The following LAMA1 variants were observed in gnomAD, a reference collection of about 807,000 sequenced individuals.
LAMA1 encodes laminin subunit alpha 1, also known as laminin subunit alpha-1.
Under a neutral mutation model 348.7 loss-of-function variants are expected in LAMA1, and 219 were observed. That is an observed-to-expected ratio of 0.63 (90% CI 0.56 to 0.70). The LOEUF (loss-of-function observed/expected upper bound fraction) is 0.70, where lower values mean the gene tolerates loss of function less well. Among genes scored for constraint, LAMA1 ranks in the 30% least tolerant of loss-of-function variants. LAMA1 has a pLI of 0.00. For missense variants in LAMA1, 3,744 were observed against 3,888.0 expected, an observed-to-expected ratio of 0.96 and a Z score of 0.99; for synonymous variants, 1,487 against 1,491.0, an observed-to-expected ratio of 1.00 and a Z score of 0.06.
At chr18:7,078,291 C>G (rs928067673) in intron 3 of LAMA1, among the ~76,000 whole-genome samples, 1 of 151,024 alleles carries the variant, frequency 6.6e-6, no homozygotes, top group African/African-American at 2.4e-5. Flanking sequence ...CTCAGCCTCC[C>G]GAGTAGCTGG....
chr18:6,943,170 C>G lies in LAMA1; in HGVS notation c.9067+10G>C, dbSNP rs1341475486. 1 of 1,611,432 alleles carries G rather than the reference C, an allele frequency of 6.2e-7. No homozygotes were observed. Among genetic ancestry groups the G allele is most frequent in the South Asian group, 1.1e-5 (1 of 90,964 alleles). On this transcript the variant is annotated intron_variant, in intron 62 of 62. Coordinates refer to ENST00000389658, the MANE Select transcript of LAMA1 (RefSeq NM_005559.4). ...CCCTTTTGAGTGGAAGAGCAGGTAC[C>G]CGTACATACCAGGATAGCCACCAAC...
Position 7,050,685 on chromosome 18 carries a change from C to G in LAMA1, c.588+9G>C. ...AAACAGATCTTGCTGCAGCGGGCAC[C>G]ATACCTACCTCTCCATGCTCAAGTG... On this transcript the variant is annotated intron_variant, in intron 4 of 62. Transcript: ENST00000389658. 1 of 1,613,440 alleles carries G rather than the reference C, an allele frequency of 6.2e-7. No homozygotes were observed. The highest frequency in any genetic ancestry group is 8.5e-7 in the Non-Finnish European group (1 of 1,180,020).
intron 62 of LAMA1, among the ~76,000 whole-genome samples, chr18:6,942,932 A>G (rs552724212): frequency 2.6e-5 from 4 of 152,318 alleles, no homozygotes; most frequent in East Asian, 1.9e-4. Flanking sequence ...ACTTCGGTAG[A>G]GTCATACGGC....
intron 1 of LAMA1, among the ~76,000 whole-genome samples, chr18:7,083,665 A>G (rs2058202521): frequency 6.6e-6 from 1 of 152,164 alleles, no homozygotes; most frequent in South Asian, 2.1e-4. Flanking sequence ...ATATTTGGAA[A>G]AAAATATTCA....
At chr18:7,085,238 G>T (rs2058209944) in intron 1 of LAMA1, among the ~76,000 whole-genome samples, 1 of 151,756 alleles carries the variant, frequency 6.6e-6, no homozygotes, top group African/African-American at 2.4e-5. Context: ...TTCTGGTGTT[G>T]GGAGTTTTTA....
At chr18:6,948,813 G>A (rs1469106538) in intron 59 of LAMA1, among the ~76,000 whole-genome samples, 1 of 152,206 alleles carries the variant, frequency 6.6e-6, no homozygotes, top group Admixed American at 6.5e-5. Context: ...AAAATGCTGA[G>A]TTTACTAATG....
chr18:6,988,391 G>A (rs1175072588), intron 36 of LAMA1, among the ~76,000 whole-genome samples: 1 of 152,194 alleles, frequency 6.6e-6, no homozygotes, highest in East Asian at 1.9e-4. Context: ...GAAGTGAGCC[G>A]GATCCTCCAC....
At chr18:7,098,426 T>G (rs59638129) in intron 1 of LAMA1, among the ~76,000 whole-genome samples, 5 of 141,046 alleles carry the variant, frequency 3.5e-5, no homozygotes, top group Admixed American at 7.1e-5. Flanking sequence ...CCGGCCGCCA[T>G]CACATCTAGG....
intron 26 of LAMA1, 97 bp downstream of exon 26, chr18:7,010,103 G>T: frequency 7.1e-7 from 1 of 1,409,674 alleles, no homozygotes; most frequent in Non-Finnish European, 1.0e-6. Flanking sequence ...CACCGTACCT[G>T]GCTGCTCATT....
At chr18:7,080,175 A>G in intron 2 of LAMA1, 88 bp from the exon 3 acceptor site, 1 of 1,559,280 alleles carries the variant, frequency 6.4e-7, no homozygotes, top group South Asian at 1.1e-5. Context: ...GTGGAAACAA[A>G]GAGCAGTGAA....
intron 17 of LAMA1, 109 bp downstream of exon 17, chr18:7,025,866 GCAAA>G: frequency 7.0e-7 from 1 of 1,436,992 alleles, no homozygotes; most frequent in Non-Finnish European, 9.6e-7. Context: ...TTGTCACTGG[GCAAA>G]ATTCACACAC....
Position 6,958,547 on chromosome 18 carries a change from C to G in LAMA1, c.7894G>C (p.Glu2632Gln). The change falls in exon 55 of 63, where the codon GAG becomes CAG. Residue 2632 changes from glutamate to glutamine, a missense_variant. By Grantham distance (29) the Glu-to-Gln change is conservative. Transcript: ENST00000389658. ...NLYVGGIPEG[E>Q]GTSLLTMRRS... ...CTCATTGTGAGCAGTGACGTCCCCT[C>G]TCCCTCTGGAATTCCCCCGACGTAC... 1 of 1,614,190 alleles carries G rather than the reference C, an allele frequency of 6.2e-7. No homozygotes were observed. The highest frequency in any genetic ancestry group is 1.1e-5 in the South Asian group (1 of 91,072).
At chr18:6,945,640 C>T (rs1210717747) in intron 61 of LAMA1, among the ~76,000 whole-genome samples, 1 of 152,122 alleles carries the variant, frequency 6.6e-6, no homozygotes, top group East Asian at 1.9e-4. Context: ...CCTGATTCCC[C>T]ATGGCCTCTG....
rs749929628 is a variant in LAMA1 at position 7,080,014 on chromosome 18, T to A, written c.306A>T (p.Arg102Ser). The change falls in exon 3 of 63, where the codon AGA (arginine) becomes AGT (serine). Residue 102 changes from arginine (R) to serine (S), a missense_variant. Transcript: ENST00000389658. ...WWQSPSIQNG[R>S]EYHWVTITLD... ...GAGTGATTGTGACCCAGTGATATTC[T>A]CTCCCATTCTGAATGCTGGGACTTT... 40 of 1,614,034 alleles carry A rather than the reference T, an allele frequency of 2.5e-5. No individual in the cohort carries two copies. The highest frequency in any genetic ancestry group is 5.0e-5 in the Admixed American group (3 of 60,006).
chr18:6,978,203 G>A lies in LAMA1; in HGVS notation c.6183C>T (p.Thr2061=), dbSNP rs1280133243. The A allele has an allele frequency of 6.2e-7, 1 of 1,614,110 alleles. No individual in the cohort carries two copies. Among genetic ancestry groups the A allele is most frequent in the Non-Finnish European group, 8.5e-7 (1 of 1,180,040 alleles). Residue 2061 remains threonine (T), a synonymous_variant, in exon 43 of 63, where the codon ACC becomes ACT. Coordinates refer to ENST00000389658, the MANE Select transcript of LAMA1 (RefSeq NM_005559.4). The part of the protein sequence containing the change: ...RETHQLLQDS[T]MATLLAGRKV... ...GGAAGGGCGCTGACATACTGGCCAT[G>A]GTGGAGTCCTGCAGAAGCTGGTGTG... is the stretch of plus-strand genomic sequence containing the variant.
At chr18:7,079,093 T>C (rs2058182675) in intron 3 of LAMA1, among the ~76,000 whole-genome samples, 1 of 152,230 alleles carries the variant, frequency 6.6e-6, no homozygotes, top group South Asian at 2.1e-4. Context: ...AATTCCTATT[T>C]AAATCCTACA....
At chr18:6,971,614 C>T (rs1394368441) in intron 48 of LAMA1, among the ~76,000 whole-genome samples, 1 of 151,982 alleles carries the variant, frequency 6.6e-6, no homozygotes, top group Non-Finnish European at 1.5e-5. Context: ...TACATTATAT[C>T]ATCTGACAAT....
chr18:6,950,967 A>G lies in LAMA1; in HGVS notation c.8212T>C (p.Ser2738Pro), dbSNP rs2057544132. Residue 2738 changes from serine (S) to proline (P), a missense_variant, in exon 58 of 63, where the codon TCG becomes CCG. Ser to Pro is a moderately conservative substitution (Grantham distance 74). Around this residue, in one of 3 missense-constraint regions of LAMA1, gnomAD observed 1,983 missense variants for 1,934.3 expected, o/e 1.03. Transcript: ENST00000389658. ...AACGTGCGGATGCTTAGCTCAACCG[A>G]GAGCCTGGGGAAAACAAGTGCTCAG... The part of the protein sequence containing the change: ...FNQSAVRKKL[S>P]VELSIRTFAS... The G allele has an allele frequency of 1.9e-6, 3 of 1,613,550 alleles. No homozygotes were observed. The Middle Eastern group carries it at 5.0e-4, about 266-fold the overall frequency.
chr18:7,107,880 G>A (rs1473093805), intron 1 of LAMA1, among the ~76,000 whole-genome samples: 1 of 151,892 alleles, frequency 6.6e-6, no homozygotes, highest in African/African-American at 2.4e-5. Flanking sequence ...CGGGCCTGGT[G>A]GCGGGTGCCT....
Sources: gnomAD v4.1 joint callset for allele counts (sites outside exome capture counted in the v4.1 genomes callset) on GRCh38, gnomAD v4.1.1 for gene constraint, gnomAD v4.1.1 regional missense constraint, MANE v1.5 for transcripts, NCBI Gene and HGNC (gene_info 2026-07-23, HGNC 2026-07-21) for gene names.